The following GTF3C1 variants were observed in gnomAD, a reference collection of about 807,000 sequenced individuals.
GTF3C1 encodes the protein general transcription factor IIIC subunit 1, also known as general transcription factor 3C polypeptide 1.
A neutral mutation model predicts 226.7 loss-of-function variants in GTF3C1; 57 were observed. The observed-to-expected ratio is 0.25, with a 90% confidence interval of 0.20 to 0.31. GTF3C1 has a LOEUF of 0.31. Ranked by LOEUF, GTF3C1 falls within the 10% of genes least tolerant of loss-of-function variation. The pLI, the probability that GTF3C1 is intolerant of heterozygous loss-of-function variation, is 1.00. For missense variants in GTF3C1, 2,217 were observed against 2,776.1 expected, an observed-to-expected ratio of 0.80 and a Z score of 4.53; for synonymous variants, 1,090 against 1,084.8, an observed-to-expected ratio of 1.00 and a Z score of -0.09.
At position 27,464,438 on chromosome 16, in the gene GTF3C1, G is replaced by A. The variant is rs2087752063; in HGVS notation, c.5754C>T (p.Asp1918=). ...QAPSPPPALE[D]TAAAGAAQED... is the part of the protein sequence containing the mutation. Reference sequence around the variant, plus strand: ...CCTGTGCTGCTCCCGCTGCAGCGGTGTCTTCAAGAGCTGGGGGTGGAGATG... The same window carrying A: ...CCTGTGCTGCTCCCGCTGCAGCGGTATCTTCAAGAGCTGGGGGTGGAGATG... The change falls in exon 34 of 37, where the codon GAC becomes GAT. Residue 1918 remains aspartate, a synonymous_variant. Transcript: ENST00000356183. 6.2e-7 allele frequency: 1 copy of A among 1,603,328 alleles called. No homozygotes were observed. Among genetic ancestry groups the A allele is most frequent in the Admixed American group, 1.7e-5 (1 of 58,228 alleles).
At chr16:27,520,782 T>C (rs232082) in intron 6 of GTF3C1, among the ~76,000 whole-genome samples, 26,497 of 152,042 alleles carry the variant, frequency 0.17, 2,550 homozygotes, top group African/African-American at 0.25. Context: ...AACAGAGGTG[T>C]GATCTCAGCT....
intron 6 of GTF3C1, among the ~76,000 whole-genome samples, chr16:27,513,513 C>T (rs1363033233): frequency 1.3e-5 from 2 of 151,984 alleles, no homozygotes; most frequent in Non-Finnish European, 2.9e-5. Flanking sequence ...GTAGGATCAG[C>T]GTGAGAGACT....
chr16:27,461,332 G>C lies in GTF3C1; in HGVS notation c.*18C>G, dbSNP rs2087700723. On this transcript the variant is annotated 3_prime_UTR_variant, in exon 37 of 37. Coordinates refer to ENST00000356183, the MANE Select transcript of GTF3C1 (RefSeq NM_001520.4). This position sits in a 1 kb window ranked among gnomAD's most constrained non-coding sequence, Gnocchi z 5.3. ...GTGGCAGGCGGTGGCTGGGAGGGAG[G>C]GGACGCCCACAGGGGTCCTAGAGGT... is the stretch of plus-strand genomic sequence containing the variant. 6.5e-7 allele frequency: 1 copy of C among 1,527,044 alleles called. No homozygotes were observed. Among genetic ancestry groups the C allele is most frequent in the African/African-American group, 1.4e-5 (1 of 73,334 alleles). The allele number at this position is 1,527,044 out of a possible 1,614,324, so 94.6% of individuals were successfully genotyped here.
chr16:27,533,822 A>G (rs1335644690), intron 4 of GTF3C1, among the ~76,000 whole-genome samples: 6 of 152,194 alleles, frequency 3.9e-5, no homozygotes, highest in South Asian at 2.1e-4. Context: ...CCTGGCCAAC[A>G]TGGTGAAAAC....
chr16:27,472,035 G>A lies in GTF3C1; in HGVS notation c.4354-115C>T, dbSNP rs976835029. ...CTTTATAGAGGAAGTGACCGATCGT[G>A]GGAGGCCCAGGCTGGCGTATGTGTG... is the stretch of plus-strand genomic sequence containing the variant. On this transcript the variant is annotated intron_variant, in intron 29 of 36. Transcript: ENST00000356183. The A allele has an allele frequency of 3.6e-6, 3 of 836,634 alleles. No individual in the cohort carries two copies. The African/African-American group carries it at 5.1e-5, about 14-fold the overall frequency. The allele number at this position is 836,634 out of a possible 1,614,324, so 51.8% of individuals were successfully genotyped here. A position where few individuals can be genotyped will look rare whatever the true frequency, so the allele number is the denominator to read the frequency against.
intron 4 of GTF3C1, 113 bp from the exon 5 acceptor site, chr16:27,533,500 A>G: frequency 1.5e-6 from 1 of 649,802 alleles, no homozygotes; most frequent in South Asian, 1.8e-5. Flanking sequence ...TTTACAATAA[A>G]TAACAGAATC....
At chr16:27,481,421 T>G (rs1016371737) in intron 26 of GTF3C1, among the ~76,000 whole-genome samples, 8 of 151,994 alleles carry the variant, frequency 5.3e-5, no homozygotes, top group Non-Finnish European at 2.9e-5. Context: ...CTGGGGTACC[T>G]GGTGCCAACT....
At chr16:27,536,676 A>C (rs961851490) in intron 4 of GTF3C1, among the ~76,000 whole-genome samples, 6 of 151,892 alleles carry the variant, frequency 4.0e-5, no homozygotes, top group South Asian at 2.1e-4. Flanking sequence ...CATTCCCCCC[A>C]CTTTTGGAGG....
At position 27,470,574 on chromosome 16, in the gene GTF3C1, T is replaced by G; in HGVS notation, c.4527-179A>C. ...TGCTGCATTCCCACCTAGCGGTGTT[T>G]GTGTCTCTCTTCCCCGCTTGCCTGA... On this transcript the variant is annotated intron_variant, in intron 30 of 36. Coordinates refer to ENST00000356183, the MANE Select transcript of GTF3C1 (RefSeq NM_001520.4). The surrounding 1 kb of genome is among the most constrained non-coding windows in gnomAD (Gnocchi z 4.9). The G allele has an allele frequency of 1.7e-6, 1 of 601,688 alleles. No homozygotes were observed. The allele number at this position is 601,688 out of a possible 1,614,324, so 37.3% of individuals were successfully genotyped here.
In GTF3C1 at chr16:27,494,901, G is replaced by C. The variant is rs781647981; in HGVS notation, c.2640C>G (p.Val880=). 1 of 1,613,320 alleles carries C rather than the reference G, an allele frequency of 6.2e-7. No individual in the cohort carries two copies. Among genetic ancestry groups the C allele is most frequent in the East Asian group, 2.2e-5 (1 of 44,868 alleles). The change falls in exon 16 of 37, where the codon GTC becomes GTG. Residue 880 remains valine, a synonymous_variant. Coordinates refer to ENST00000356183, the MANE Select transcript of GTF3C1 (RefSeq NM_001520.4). ...TGTAGCGCATCCACGAGGCATCGTCGACATACACTAGGAAAAAAACGCACG... is the reference window on the plus strand; with the variant it reads ...TGTAGCGCATCCACGAGGCATCGTCCACATACACTAGGAAAAAAACGCACG... ...EVELATETVY[V]DDASWMRYIP...
chr16:27,461,686 TG>T lies in GTF3C1; in HGVS notation c.6118-125del, dbSNP rs1162062954. 5.6e-6 allele frequency: 4 copies of T among 709,146 alleles called. No homozygotes were observed. In the African/African-American group the frequency reaches 7.0e-5, roughly 12 times the overall value. 43.9% of individuals were successfully genotyped at this position (709,146 alleles called of 1,614,324 possible). A position where few individuals can be genotyped will look rare whatever the true frequency, so the allele number is the denominator to read the frequency against. On this transcript the variant is annotated intron_variant, in intron 36 of 36. Coordinates refer to ENST00000356183, the MANE Select transcript of GTF3C1 (RefSeq NM_001520.4). The surrounding 1 kb of genome is among the most constrained non-coding windows in gnomAD (Gnocchi z 5.3). Reference sequence around the variant, plus strand: ...GCCACTTCCCAGAGCAGGGGGCACCTGAACTGGGCATGAGGCAGATGGGGAT... The same window carrying T: ...GCCACTTCCCAGAGCAGGGGGCACCTAACTGGGCATGAGGCAGATGGGGAT...
At chr16:27,510,665 C>T (rs1054286954) in intron 7 of GTF3C1, among the ~76,000 whole-genome samples, 3 of 152,162 alleles carry the variant, frequency 2.0e-5, no homozygotes, top group Non-Finnish European at 2.9e-5. Flanking sequence ...AAGGTTGGGC[C>T]GACCCAACAG....
At position 27,494,805 on chromosome 16, in the gene GTF3C1, A is replaced by T. The variant is rs778984159; in HGVS notation, c.2736T>A (p.Leu912=). Residue 912 remains leucine (L), a synonymous_variant, in exon 16 of 37, where the codon CTT becomes CTA. Coordinates refer to ENST00000356183, the MANE Select transcript of GTF3C1 (RefSeq NM_001520.4). The stretch of plus-strand genomic sequence containing the variant: ...CAATCTGGATGAAGATGGAGAGGGG[A>T]AGGCAGAGGAGGATGTCGCTGACGA... ...WALVSDILLC[L]PLSIFIQIVQ... 6.2e-7 allele frequency: 1 copy of T among 1,612,164 alleles called. No homozygotes were observed. The highest frequency in any genetic ancestry group is 8.5e-7 in the Non-Finnish European group (1 of 1,178,366).
rs372258230 is a variant in GTF3C1 at position 27,528,713 on chromosome 16, G to A, written c.858C>T (p.Cys286=). Residue 286 remains cysteine, a synonymous_variant, in exon 6 of 37, where the codon TGC becomes TGT. Transcript: ENST00000356183. Reference sequence around the variant, plus strand: ...GGTACAGACGCTTAAACGTCCTTTCGCACAGCCCCTGCCAAAACACAATTT... The same window carrying A: ...GGTACAGACGCTTAAACGTCCTTTCACACAGCCCCTGCCAAAACACAATTT... ...LGKLREELGL[C]ERTFKRLYQY... is the part of the protein sequence containing the mutation. The A allele has an allele frequency of 9.1e-5, 147 of 1,613,336 alleles. No individual in the cohort carries two copies. The highest frequency in any genetic ancestry group is 1.2e-4 in the Non-Finnish European group (141 of 1,179,478).
In GTF3C1 at chr16:27,488,651, A is replaced by G. The variant is rs375851414; in HGVS notation, c.3430-16T>C. On this transcript the variant is annotated splice_polypyrimidine_tract_variant and intron_variant, in intron 21 of 36. Coordinates refer to ENST00000356183, the MANE Select transcript of GTF3C1 (RefSeq NM_001520.4). The stretch of plus-strand genomic sequence containing the variant: ...CAGTGTTCTCCTGTGAGACAAGCAC[A>G]GCACTGGGATGAAGCATGAGCTTCC... 92 of 1,595,430 alleles carry G rather than the reference A, an allele frequency of 5.8e-5. No individual in the cohort carries two copies. The highest frequency in any genetic ancestry group is 7.6e-5 in the Non-Finnish European group (89 of 1,165,376).
chr16:27,489,528 A>T (rs1011708031), intron 20 of GTF3C1, 74 bp downstream of exon 20: 14 of 1,208,226 alleles, frequency 1.2e-5, no homozygotes, highest in Middle Eastern at 2.4e-4. Context: ...AAGCCAGACA[A>T]GGGCGGGCAG....
chr16:27,485,044 G>A (rs1171485243), intron 24 of GTF3C1, among the ~76,000 whole-genome samples: 1 of 152,272 alleles, frequency 6.6e-6, no homozygotes, highest in East Asian at 1.9e-4. Flanking sequence ...AGCCATTGCA[G>A]ATGCAGGGAA....
At chr16:27,523,921 C>A (rs1399277925) in intron 6 of GTF3C1, among the ~76,000 whole-genome samples, 1 of 152,102 alleles carries the variant, frequency 6.6e-6, no homozygotes. Flanking sequence ...ACATCCTGAC[C>A]GTCATCATCT....
rs144580879 is a variant in GTF3C1 at position 27,545,374 on chromosome 16, G to T, written c.371C>A (p.Thr124Asn). 3 of 1,613,766 alleles carry T rather than the reference G, an allele frequency of 1.9e-6. No homozygotes were observed. In the African/African-American group the frequency reaches 4.0e-5, roughly 22 times the overall value. The change falls in exon 2 of 37, where the codon ACC becomes AAC. Residue 124 changes from threonine to asparagine, a missense_variant. Thr to Asn is a moderately conservative substitution (Grantham distance 65). Transcript: ENST00000356183. ...CRYFKERKNI[T>N]NDIRTKSLQP... ...CAAGGACTTGGTTCTGATGTCATTG[G>T]TAATGTTTTTCCTCTCCTTAAAGTA...
Sources: allele counts gnomAD v4.1 joint callset (sites outside exome capture counted in the v4.1 genomes callset), GRCh38; gene constraint gnomAD v4.1.1; non-coding constraint Gnocchi (gnomAD v3.1); transcripts MANE v1.5; gene names NCBI Gene and HGNC (gene_info 2026-07-23, HGNC 2026-07-21).